Variants in ARHGEF18 observed in about 807,000 individuals in gnomAD.
ARHGEF18 encodes the protein Rho/Rac guanine nucleotide exchange factor 18.
In ARHGEF18, 93 loss-of-function variants were observed where a neutral mutation model predicts 155.7. That is an observed-to-expected ratio of 0.60 (90% CI 0.50 to 0.71). The LOEUF (loss-of-function observed/expected upper bound fraction) is 0.71. Among genes scored for constraint, ARHGEF18 ranks in the 30% least tolerant of loss-of-function variants. ARHGEF18 has a pLI of 0.00. For synonymous variants in ARHGEF18, 742 were observed against 753.1 expected (o/e 0.99, Z 0.24); for missense variants, 1,593 against 1,816.1 (o/e 0.88, Z 2.23).
chr19:7,428,583 G>A (rs1973784187), intron 10 of ARHGEF18, among the ~76,000 whole-genome samples: 2 of 152,008 alleles, frequency 1.3e-5, no homozygotes, highest in African/African-American at 4.8e-5. Flanking sequence ...GAAGGTGGCT[G>A]TTGTCTTTAA....
At chr19:7,465,034 C>T (rs1454692063) in intron 23 of ARHGEF18, among the ~76,000 whole-genome samples, 3 of 152,186 alleles carry the variant, frequency 2.0e-5, no homozygotes, top group Non-Finnish European at 4.4e-5. Context: ...CAGATGTCCC[C>T]GGCTATTCCT....
At chr19:7,409,928 C>T (rs1048949406) in intron 10 of ARHGEF18, among the ~76,000 whole-genome samples, 10 of 148,890 alleles carry the variant, frequency 6.7e-5, no homozygotes, top group Non-Finnish European at 1.3e-4. Context: ...TGCCTGCCAC[C>T]ACACCCGGCT....
chr19:7,388,493 T>A (rs1229760451), intron 10 of ARHGEF18, among the ~76,000 whole-genome samples: 4 of 152,058 alleles, frequency 2.6e-5, no homozygotes, highest in African/African-American at 9.7e-5. Context: ...CCCAGAGAAG[T>A]TAAGTTTTTG....
intron 27 of ARHGEF18, among the ~76,000 whole-genome samples, 200 bp from the exon 28 acceptor site, chr19:7,469,704 C>T (rs1435651475): frequency 6.6e-6 from 1 of 152,132 alleles, no homozygotes; most frequent in African/African-American, 2.4e-5. Flanking sequence ...GGTGACTCTG[C>T]AGGTCCTTCC....
At chr19:7,427,685 C>T (rs1600402165) in intron 10 of ARHGEF18, among the ~76,000 whole-genome samples, 1 of 150,922 alleles carries the variant, frequency 6.6e-6, no homozygotes, top group East Asian at 2.0e-4. Context: ...GTGGCTCACA[C>T]CTGTAACCCC....
intron 2 of ARHGEF18, among the ~76,000 whole-genome samples, chr19:7,371,489 C>G (rs971058625): frequency 5.3e-5 from 8 of 152,028 alleles, no homozygotes; most frequent in Admixed American, 3.3e-4. Context: ...TTAAGACCAT[C>G]CTGGCCAACA....
Position 7,462,035 on chromosome 19 carries a change from C to A in ARHGEF18, c.2453-117C>A. The A allele has an allele frequency of 1.7e-6, 2 of 1,152,946 alleles. No individual in the cohort carries two copies. The highest frequency in any genetic ancestry group is 2.5e-6 in the Non-Finnish European group (2 of 785,100). The allele number at this position is 1,152,946 out of a possible 1,614,324, so 71.4% of individuals were successfully genotyped here. A position where few individuals can be genotyped will look rare whatever the true frequency, so the allele number is the denominator to read the frequency against. ...CCCAGGAATGCAGGACACAAGGGGG[C>A]AGCCTACCTCAGGGCAGGGCCAGCG... On this transcript the variant is annotated intron_variant, in intron 20 of 28. Transcript: ENST00000668164. This position sits in a 1 kb window ranked among gnomAD's most constrained non-coding sequence, Gnocchi z 4.4.
In ARHGEF18 at chr19:7,462,480, C is replaced by G; in HGVS notation, c.2635+146C>G. ...ATGTGGGGGGGGCCCAGGAGCAGCA[C>G]TGACCGCCCCCCGGTGCCTGTGAGA... On this transcript the variant is annotated intron_variant, in intron 21 of 28. Coordinates refer to ENST00000668164, the MANE Select transcript of ARHGEF18 (RefSeq NM_001367823.1). The surrounding 1 kb of genome is among the most constrained non-coding windows in gnomAD (Gnocchi z 4.4). 9.9e-7 allele frequency: 1 copy of G among 1,008,506 alleles called. No individual in the cohort carries two copies. The highest frequency in any genetic ancestry group is 2.7e-5 in the East Asian group (1 of 37,120). 62.5% of individuals were successfully genotyped at this position (1,008,506 alleles called of 1,614,324 possible). A position where few individuals can be genotyped will look rare whatever the true frequency, so the allele number is the denominator to read the frequency against.
Position 7,440,341 on chromosome 19 carries a change from C to T in ARHGEF18, c.968-3C>T. Reference sequence around the variant, plus strand: ...ACCAACTCTGTCCTTGCCTCTGTCACAGCCTCGCTCAAGGAGCACCCCCGG... The same window carrying T: ...ACCAACTCTGTCCTTGCCTCTGTCATAGCCTCGCTCAAGGAGCACCCCCGG... On this transcript the variant is annotated splice_polypyrimidine_tract_variant and splice_region_variant and intron_variant, in intron 10 of 28. Coordinates refer to ENST00000668164, the MANE Select transcript of ARHGEF18 (RefSeq NM_001367823.1). This position sits in a 1 kb window ranked among gnomAD's most constrained non-coding sequence, Gnocchi z 5.4. 6.2e-7 allele frequency: 1 copy of T among 1,612,642 alleles called. No individual in the cohort carries two copies. Among genetic ancestry groups the T allele is most frequent in the Non-Finnish European group, 8.5e-7 (1 of 1,179,590 alleles).
intron 10 of ARHGEF18, among the ~76,000 whole-genome samples, chr19:7,428,506 C>A (rs1018326994): frequency 4.6e-5 from 7 of 152,142 alleles, no homozygotes; most frequent in Admixed American, 3.9e-4. Flanking sequence ...GATCTTCCCA[C>A]CTTGGCCTTC....
At chr19:7,377,785 C>CAA (rs60336111) in intron 5 of ARHGEF18, among the ~76,000 whole-genome samples, 2,648 of 103,692 alleles carry the variant, frequency 0.026, 118 homozygotes, top group African/African-American at 0.082. Flanking sequence ...GAAACCGTCT[C>CAA]AAAAAAAAAA....
intron 10 of ARHGEF18, chr19:7,392,701 T>G (rs1600276284): frequency 2.3e-5 from 3 of 130,486 alleles, no homozygotes; most frequent in Admixed American, 8.4e-5. Flanking sequence ...GGTGACAGAG[T>G]GAGACTCTGT....
chr19:7,370,502 T>TAATA (rs1007278340), intron 2 of ARHGEF18, among the ~76,000 whole-genome samples: 1 of 151,762 alleles, frequency 6.6e-6, no homozygotes, highest in Non-Finnish European at 1.5e-5. Context: ...TCTCAAAAAA[T>TAATA]AATAAATAAA....
chr19:7,421,660 G>C (rs1486882397), intron 10 of ARHGEF18, among the ~76,000 whole-genome samples: 1 of 152,120 alleles, frequency 6.6e-6, no homozygotes, highest in Non-Finnish European at 1.5e-5. Context: ...TACTTGGGAG[G>C]CTGGGACAGG....
chr19:7,453,405 T>C lies in ARHGEF18; in HGVS notation c.1856-62T>C, dbSNP rs1975623367. 6 of 1,524,424 alleles carry C rather than the reference T, an allele frequency of 3.9e-6. No homozygotes were observed. In the East Asian group the frequency reaches 1.4e-4, roughly 35 times the overall value. The allele number at this position is 1,524,424 out of a possible 1,614,324, so 94.4% of individuals were successfully genotyped here. ...GATCCACATGTCCATACATAGTGAGTGTGTCCACTTCTGTTGTGTTAAAGT... is the reference window on the plus strand; with the variant it reads ...GATCCACATGTCCATACATAGTGAGCGTGTCCACTTCTGTTGTGTTAAAGT... On this transcript the variant is annotated intron_variant, in intron 16 of 28. Coordinates refer to ENST00000668164, the MANE Select transcript of ARHGEF18 (RefSeq NM_001367823.1).
At chr19:7,394,010 T>A (rs1046975551) in intron 10 of ARHGEF18, among the ~76,000 whole-genome samples, 2 of 111,144 alleles carry the variant, frequency 1.8e-5, no homozygotes, top group Non-Finnish European at 3.3e-5. Flanking sequence ...AAGTCTATGC[T>A]GCCTCTTTTT....
At chr19:7,432,121 G>A (rs1046325252) in intron 10 of ARHGEF18, among the ~76,000 whole-genome samples, 2 of 152,036 alleles carry the variant, frequency 1.3e-5, no homozygotes, top group African/African-American at 4.8e-5. Context: ...TTTTAATACT[G>A]TCTTGCTTGT....
At position 7,453,637 on chromosome 19, in the gene ARHGEF18, C is replaced by A; in HGVS notation, c.2026C>A (p.Arg676Ser). Residue 676 changes from arginine to serine, a missense_variant, in exon 17 of 29, where the codon CGC (arginine) becomes AGC (serine). Physicochemically the swap from Arg to Ser is moderately radical, Grantham distance 110. Coordinates refer to ENST00000668164, the MANE Select transcript of ARHGEF18 (RefSeq NM_001367823.1). ...SSKLKNGLTF[R>S]KEDMLQRQLH... Reference sequence around the variant, plus strand: ...CAAACTCAAGAACGGGCTCACCTTCCGCAAGGAAGACATGCTTCAGCGGCA... The same window carrying A: ...CAAACTCAAGAACGGGCTCACCTTCAGCAAGGAAGACATGCTTCAGCGGCA... The A allele has an allele frequency of 6.2e-7, 1 of 1,611,806 alleles. No individual in the cohort carries two copies. Among genetic ancestry groups the A allele is most frequent in the South Asian group, 1.1e-5 (1 of 90,930 alleles).
rs1296201786 is a variant in ARHGEF18 at position 7,395,074 on chromosome 19, GC to G, written c.967+11875del. 3.0e-6 allele frequency: 3 copies of G among 985,376 alleles called. No homozygotes were observed. The East Asian group carries it at 3.4e-4, about 112-fold the overall frequency. 61.0% of individuals were successfully genotyped at this position (985,376 alleles called of 1,614,324 possible). On this transcript the variant is annotated intron_variant, in intron 10 of 28. Coordinates refer to ENST00000668164, the MANE Select transcript of ARHGEF18 (RefSeq NM_001367823.1). This position sits in a 1 kb window ranked among gnomAD's most constrained non-coding sequence, Gnocchi z 5.0. ...CGCCTCCTTCCGGGTCACGCCCTCT[GC>G]CCCGCCTCCGAGGCGGGATCGCGCA...
Sources: gnomAD v4.1 joint callset for allele counts (sites outside exome capture counted in the v4.1 genomes callset) on GRCh38, gnomAD v4.1.1 for gene constraint, Gnocchi (gnomAD v3.1) non-coding constraint, MANE v1.5 for transcripts, NCBI Gene and HGNC (gene_info 2026-07-23, HGNC 2026-07-21) for gene names.